The following TRIP11 variants were observed in gnomAD, a reference collection of about 807,000 sequenced individuals.
TRIP11 encodes thyroid receptor-interacting protein 11.
TRIP11 carries 148 observed loss-of-function variants against 223.1 expected under a neutral mutation model. The ratio of observed to expected loss-of-function variants is 0.66; its 90% CI spans 0.58 to 0.76. The LOEUF is 0.76. TRIP11 is among the 30% of genes least tolerant of loss of function. The pLI is 0.00. For missense variants in TRIP11, 2,043 were observed against 2,222.0 expected, an observed-to-expected ratio of 0.92 and a Z score of 1.62; for synonymous variants, 762 against 772.6, an observed-to-expected ratio of 0.99 and a Z score of 0.23.
intron 19 of TRIP11, among the ~76,000 whole-genome samples, chr14:91,973,888 G>A (rs1296265809): frequency 1.3e-5 from 2 of 152,094 alleles, no homozygotes; most frequent in African/African-American, 4.8e-5. Context: ...AGCTGGGCGT[G>A]GTGGTGGTGG....
Position 91,999,265 on chromosome 14 carries a change from A to G in TRIP11, c.4867T>C (p.Ser1623Pro), listed in dbSNP as rs761138361. The G allele has an allele frequency of 1.2e-6, 2 of 1,613,574 alleles. No individual in the cohort carries two copies. Among genetic ancestry groups the G allele is most frequent in the Non-Finnish European group, 1.7e-6 (2 of 1,179,874 alleles). ...CTTGCATTTTCCATTGCATTAGAGGATGAAACTAGCTTTTCCTCCAATACT... is the reference window on the plus strand; with the variant it reads ...CTTGCATTTTCCATTGCATTAGAGGGTGAAACTAGCTTTTCCTCCAATACT... ...VTVLEEKLVS[S>P]SNAMENASHQ... The change falls in exon 13 of 21, where the codon TCC (serine) becomes CCC (proline). Residue 1623 changes from serine to proline, a missense_variant. Physicochemically the swap from Ser to Pro is moderately conservative, Grantham distance 74. Transcript: ENST00000267622.
At chr14:92,014,645 C>G in intron 6 of TRIP11, 68 bp from the exon 7 acceptor site, 3 of 1,507,596 alleles carry the variant, frequency 2.0e-6, no homozygotes, top group Admixed American at 4.3e-5. Context: ...TTGCTATATA[C>G]AACTAAGAGA....
At chr14:92,020,995 G>A (rs182690323) in intron 4 of TRIP11, among the ~76,000 whole-genome samples, 89 of 150,906 alleles carry the variant, frequency 5.9e-4, no homozygotes, top group Admixed American at 1.1e-3. Flanking sequence ...ATTTGAACCC[G>A]GGAGGCGGAG....
chr14:91,979,005 C>T (rs907963149), intron 16 of TRIP11, among the ~76,000 whole-genome samples: 9 of 151,966 alleles, frequency 5.9e-5, no homozygotes, highest in African/African-American at 2.2e-4. Flanking sequence ...GCTTGTAATC[C>T]CAGTGCTTTG....
At chr14:91,985,547 T>C (rs973667507) in intron 16 of TRIP11, among the ~76,000 whole-genome samples, 1 of 152,214 alleles carries the variant, frequency 6.6e-6, no homozygotes, top group South Asian at 2.1e-4. Flanking sequence ...TAATCAACCA[T>C]TTGGAATAAA....
chr14:92,035,821 T>A (rs1282128541), intron 1 of TRIP11, among the ~76,000 whole-genome samples: 1 of 152,112 alleles, frequency 6.6e-6, no homozygotes, highest in African/African-American at 2.4e-5. Flanking sequence ...CCTCAGGTGA[T>A]CCTGAGGCCC....
chr14:91,989,332 T>G (rs1046819253), intron 15 of TRIP11, among the ~76,000 whole-genome samples: 2 of 152,106 alleles, frequency 1.3e-5, no homozygotes, highest in Non-Finnish European at 1.5e-5. Flanking sequence ...GTCTGTTGTT[T>G]TTTTTTCCTT....
intron 6 of TRIP11, among the ~76,000 whole-genome samples, chr14:92,014,985 C>T (rs1049795865): frequency 1.3e-5 from 2 of 150,770 alleles, no homozygotes; most frequent in African/African-American, 4.9e-5. Context: ...CTCACTGCAA[C>T]CTCTGCCTCC....
intron 18 of TRIP11, 39 bp from the exon 19 acceptor site, chr14:91,974,782 C>CA (rs773515632): frequency 3.0e-6 from 4 of 1,335,378 alleles, no homozygotes; most frequent in East Asian, 5.0e-5. Flanking sequence ...ATTATCAGTA[C>CA]AAGAAAAAAA....
At chr14:92,029,688 AAC>A (rs58998358) in intron 2 of TRIP11, among the ~76,000 whole-genome samples, 1,794 of 152,244 alleles carry the variant, frequency 0.012, 42 homozygotes, top group African/African-American at 0.041. Flanking sequence ...TCTTTCATCG[AAC>A]ACAGTTAAAA....
chr14:92,015,668 A>C (rs1210386336), intron 6 of TRIP11, 28 bp downstream of exon 6: 1 of 1,549,366 alleles, frequency 6.5e-7, no homozygotes, highest in Non-Finnish European at 8.7e-7. Flanking sequence ...AAAAAAAATA[A>C]TAATAATAAA....
Position 92,000,053 on chromosome 14 carries a change from T to C in TRIP11, c.4613A>G (p.Lys1538Arg). Residue 1538 changes from lysine (K) to arginine (R), a missense_variant, in exon 12 of 21, where the codon AAG becomes AGG. Coordinates refer to ENST00000267622, the MANE Select transcript of TRIP11 (RefSeq NM_004239.4). ...TCTCTCCTGTTGAAACACAACTGTC[T>C]TCTCCTGCATTGATTTAACTGCATT... is the stretch of plus-strand genomic sequence containing the variant. ...LLNAVKSMQE[K>R]TVVFQQERDQ... 6.2e-7 allele frequency: 1 copy of C among 1,614,076 alleles called. No homozygotes were observed. The highest frequency in any genetic ancestry group is 8.5e-7 in the Non-Finnish European group (1 of 1,179,974).
chr14:91,972,799 T>C lies in TRIP11; in HGVS notation c.5637A>G (p.Pro1879=), dbSNP rs772959811. The C allele has an allele frequency of 3.1e-5, 50 of 1,613,260 alleles. No homozygotes were observed. The highest frequency in any genetic ancestry group is 4.2e-5 in the Non-Finnish European group (49 of 1,179,662). The change falls in exon 20 of 21, where the codon CCA becomes CCG. Residue 1879 remains proline (P), a synonymous_variant. Coordinates refer to ENST00000267622, the MANE Select transcript of TRIP11 (RefSeq NM_004239.4). Reference sequence around the variant, plus strand: ...GTTTCATATCATGAACAGAAAGCTTTGGTGGTGGAATGGATGGATGAGATT... The same window carrying C: ...GTTTCATATCATGAACAGAAAGCTTCGGTGGTGGAATGGATGGATGAGATT... ...ETESHPSIPP[P]KLSVHDMKPL... is the part of the protein sequence containing the mutation.
chr14:92,023,973 A>C (rs2057145911), intron 3 of TRIP11, among the ~76,000 whole-genome samples: 2 of 151,424 alleles, frequency 1.3e-5, no homozygotes, highest in South Asian at 4.2e-4. Flanking sequence ...CTCCTGTCTC[A>C]GCCTCCCAAG....
At chr14:92,032,311 C>G (rs1225552922) in intron 2 of TRIP11, among the ~76,000 whole-genome samples, 1 of 151,862 alleles carries the variant, frequency 6.6e-6, no homozygotes, top group Non-Finnish European at 1.5e-5. Context: ...CCACATCCAG[C>G]TAATTTTTTT....
At chr14:92,020,363 A>C (rs1019110580) in intron 4 of TRIP11, among the ~76,000 whole-genome samples, 1 of 152,192 alleles carries the variant, frequency 6.6e-6, no homozygotes, top group African/African-American at 2.4e-5. Context: ...AAAATCTGAT[A>C]TATAAGACAA....
At chr14:91,993,661 G>C (rs769839180) in intron 15 of TRIP11, 148 bp downstream of exon 15, 13 of 651,364 alleles carry the variant, frequency 2.0e-5, no homozygotes, top group Non-Finnish European at 3.5e-5. Context: ...TGGGTATCTT[G>C]TTCACTGTCA....
In TRIP11 at chr14:92,005,652, A is replaced by G; in HGVS notation, c.2324T>C (p.Ile775Thr). The G allele has an allele frequency of 6.2e-7, 1 of 1,613,788 alleles. No homozygotes were observed. ...IKLNQKKDME[I>T]AELKKNIEQM... ...TTCAATATTCTTTTTGAGTTCTGCT[A>G]TTTCCATGTCTTTCTTTTGATTGAG... The change falls in exon 11 of 21, where the codon ATA (isoleucine) becomes ACA (threonine). Residue 775 changes from isoleucine to threonine, a missense_variant. Transcript: ENST00000267622.
At chr14:92,021,388 CAAAAA>C (rs35038594) in intron 4 of TRIP11, among the ~76,000 whole-genome samples, 163 bp downstream of exon 4, 2 of 109,540 alleles carry the variant, frequency 1.8e-5, no homozygotes, top group Non-Finnish European at 2.0e-5. Flanking sequence ...GATTCTGTCT[CAAAAA>C]AAAAAAAAAA....
Sources: gnomAD v4.1 joint callset for allele counts (sites outside exome capture counted in the v4.1 genomes callset) on GRCh38, gnomAD v4.1.1 for gene constraint, MANE v1.5 for transcripts, NCBI Gene and HGNC (gene_info 2026-07-23, HGNC 2026-07-21) for gene names.